The following JAG2 variants were observed in gnomAD, a reference collection of about 807,000 sequenced individuals.
JAG2 encodes jagged canonical Notch ligand 2, also known as protein jagged-2.
In JAG2, 46 loss-of-function variants were observed where a neutral mutation model predicts 141.7. That is an observed-to-expected ratio of 0.32 (90% CI 0.26 to 0.42). The LOEUF (loss-of-function observed/expected upper bound fraction) is 0.42, where lower values mean the gene tolerates loss of function less well. Among genes scored for constraint, JAG2 ranks in the 10% least tolerant of loss-of-function variants. The pLI, the probability that JAG2 is intolerant of heterozygous loss-of-function variation, is 1.00. For missense variants in JAG2, 1,500 were observed against 1,817.5 expected (o/e 0.83, Z 3.18); for synonymous variants, 862 against 763.5 (o/e 1.13, Z -2.13).
intron 15 of JAG2, 95 bp from the exon 16 acceptor site, chr14:105,148,534 A>G: frequency 1.1e-6 from 1 of 892,904 alleles, no homozygotes; most frequent in Admixed American, 2.1e-5. Flanking sequence ...CCAGGTGAGG[A>G]CAGAGAGGGG....
rs915723178 is a variant in JAG2, at chr14:105,154,061, G to T, written c.788+1501C>A. ...AGCCCTGCTTGCCTCCCCGCTCTGG[G>T]ACTGGCCGGGAAAGCTCCTCACTGT... On this transcript the variant is annotated intron_variant, in intron 5 of 25. Transcript: ENST00000331782. The surrounding 1 kb of genome is among the most constrained non-coding windows in gnomAD (Gnocchi z 4.4). Among the ~76,000 whole-genome samples, 1 of 152,000 alleles carries T rather than the reference G, an allele frequency of 6.6e-6. No homozygotes were observed. The highest frequency in any genetic ancestry group is 1.5e-5 in the Non-Finnish European group (1 of 67,984).
In JAG2 at chr14:105,145,080, T is replaced by C. The variant is rs1461806528; in HGVS notation, c.2953-19A>G. On this transcript the variant is annotated intron_variant, in intron 23 of 25. Coordinates refer to ENST00000331782, the MANE Select transcript of JAG2 (RefSeq NM_002226.5). ...TGGTGCCCTGGGCAGAGACAGGCAG[T>C]GCGTGGGCAGGGCAGGGCCGTGAAC... is the stretch of plus-strand genomic sequence containing the variant. The C allele has an allele frequency of 1.2e-6, 2 of 1,608,998 alleles. No homozygotes were observed. The highest frequency in any genetic ancestry group is 1.7e-6 in the Non-Finnish European group (2 of 1,179,662).
At position 105,145,055 on chromosome 14, in the gene JAG2, T is replaced by C; in HGVS notation, c.2959A>G (p.Thr987Ala). 1 of 1,609,890 alleles carries C rather than the reference T, an allele frequency of 6.2e-7. No homozygotes were observed. The highest frequency in any genetic ancestry group is 8.5e-7 in the Non-Finnish European group (1 of 1,179,732). Residue 987 changes from threonine to alanine, a missense_variant, in exon 24 of 26, where the codon ACG becomes GCG. This residue lies in a region of JAG2 where 425 missense variants were observed against 441.0 expected (regional missense o/e 0.96). Coordinates refer to ENST00000331782, the MANE Select transcript of JAG2 (RefSeq NM_002226.5). ...FNRDHVPQGT[T>A]VGAICSGIRS... ...ATCCCGGAGCAAATGGCGCCCACCGTGGTGCCCTGGGCAGAGACAGGCAGT... is the reference window on the plus strand; with the variant it reads ...ATCCCGGAGCAAATGGCGCCCACCGCGGTGCCCTGGGCAGAGACAGGCAGT...
At chr14:105,151,439 G>A (rs587682061) in intron 8 of JAG2, 43 bp from the exon 9 acceptor site, 70 of 1,561,342 alleles carry the variant, frequency 4.5e-5, no homozygotes, top group South Asian at 3.1e-4. Flanking sequence ...AGTGTGAGCC[G>A]TGGGAATAAG....
In JAG2 at chr14:105,146,592, G is replaced by A. The variant is rs1888232333; in HGVS notation, c.2593+19C>T. On this transcript the variant is annotated intron_variant, in intron 21 of 25. Coordinates refer to ENST00000331782, the MANE Select transcript of JAG2 (RefSeq NM_002226.5). ...GCCCCCCAACCCGCCCCAACCCAGG[G>A]CAATCACACGGGGCCTACCTTCCTG... 1.9e-6 allele frequency: 3 copies of A among 1,610,094 alleles called. No individual in the cohort carries two copies. The Admixed American group carries it at 5.0e-5, about 27-fold the overall frequency.
intron 16 of JAG2, 43 bp from the exon 17 acceptor site, chr14:105,148,272 C>G (rs1024249908): frequency 1.0e-5 from 16 of 1,580,848 alleles, no homozygotes; most frequent in Non-Finnish European, 1.4e-5. Flanking sequence ...CCCAGACCGC[C>G]AGGGCCAGGG....
chr14:105,143,670 T>C, intron 24 of JAG2, 32 bp from the exon 25 acceptor site: 1 of 1,600,806 alleles, frequency 6.2e-7, no homozygotes, highest in Non-Finnish European at 8.5e-7. Flanking sequence ...TGGGGATGGC[T>C]CGAGGGCTCC....
At chr14:105,159,607 A>G (rs1029614931) in intron 2 of JAG2, among the ~76,000 whole-genome samples, 29 of 67,198 alleles carry the variant, frequency 4.3e-4, no homozygotes, top group Non-Finnish European at 7.3e-4. Flanking sequence ...CTCCATCCAC[A>G]CCCCCAAAGA....
chr14:105,146,341 C>T (rs914025906), intron 22 of JAG2, 44 bp downstream of exon 22: 7 of 1,526,062 alleles, frequency 4.6e-6, no homozygotes, highest in Non-Finnish European at 6.4e-6. Context: ...GGTCAGCGTG[C>T]ACCAGCCTCG....
At position 105,155,830 on chromosome 14, in the gene JAG2, C is replaced by T; in HGVS notation, c.635G>A (p.Arg212Gln). The T allele has an allele frequency of 1.2e-6, 2 of 1,612,698 alleles. No homozygotes were observed. Among genetic ancestry groups the T allele is most frequent in the South Asian group, 1.1e-5 (1 of 91,030 alleles). ...GTGGCCGAAAAAGTCGTTGCGGGGCCGGCAGAACTTGTTGCAAGTGGCGCT... is the reference window on the plus strand; with the variant it reads ...GTGGCCGAAAAAGTCGTTGCGGGGCTGGCAGAACTTGTTGCAAGTGGCGCT... Reference protein sequence around the residue: ...YYSATCNKFCRPRNDFFGHYT... With the variant: ...YYSATCNKFCQPRNDFFGHYT... The change falls in exon 4 of 26, where the codon CGG becomes CAG. Residue 212 changes from arginine (R) to glutamine (Q), a missense_variant. Coordinates refer to ENST00000331782, the MANE Select transcript of JAG2 (RefSeq NM_002226.5).
Position 105,148,144 on chromosome 14 carries a change from G to C in JAG2, c.2220C>G (p.Pro740=), listed in dbSNP as rs777762222. 23 of 1,547,944 alleles carry C rather than the reference G, an allele frequency of 1.5e-5. No homozygotes were observed. Among genetic ancestry groups the C allele is most frequent in the Non-Finnish European group, 1.3e-5 (15 of 1,145,238 alleles). ...CGGCGCAGGTGCTGCCCTTCCAGCC[G>C]GGGGGGCAGGCGCAGCGGAAGGTGT... ...SGDTFRCACP[P]GWKGSTCAVA... Residue 740 remains proline, a synonymous_variant, in exon 17 of 26, where the codon CCC becomes CCG. Coordinates refer to ENST00000331782, the MANE Select transcript of JAG2 (RefSeq NM_002226.5).
At chr14:105,157,565 G>T in intron 3 of JAG2, 141 bp downstream of exon 3, 1 of 834,558 alleles carries the variant, frequency 1.2e-6, no homozygotes, top group Non-Finnish European at 2.0e-6. Context: ...GAGCTTCCTG[G>T]CAGCCAAAGC....
chr14:105,146,017 G>T, intron 22 of JAG2, 44 bp from the exon 23 acceptor site: 1 of 1,575,652 alleles, frequency 6.3e-7, no homozygotes. Flanking sequence ...GCGCACAGGA[G>T]GGTCAGATGC....
At chr14:105,143,291 C>T in intron 25 of JAG2, 121 bp from the exon 26 acceptor site, 1 of 1,346,666 alleles carries the variant, frequency 7.4e-7, no homozygotes, top group Non-Finnish European at 1.0e-6. Context: ...CCTCCGGTTG[C>T]TGGCTCGTGG....
At chr14:105,159,666 C>T (rs1489991209) in intron 2 of JAG2, among the ~76,000 whole-genome samples, 2 of 129,432 alleles carry the variant, frequency 1.5e-5, no homozygotes, top group Non-Finnish European at 3.3e-5. Flanking sequence ...CCCCAACAGG[C>T]TCCATCACCT....
intron 2 of JAG2, among the ~76,000 whole-genome samples, chr14:105,163,115 T>C (rs1001981695): frequency 6.6e-6 from 1 of 151,996 alleles, no homozygotes; most frequent in Admixed American, 6.5e-5. Flanking sequence ...CTCCTCGGCC[T>C]CCCGCATCAG....
At chr14:105,157,366 C>T (rs1888612362) in intron 3 of JAG2, among the ~76,000 whole-genome samples, 1 of 152,094 alleles carries the variant, frequency 6.6e-6, no homozygotes, top group Non-Finnish European at 1.5e-5. Context: ...GAGAGGGCCA[C>T]CAAGGCTCCA....
At chr14:105,157,419 C>T (rs1888613743) in intron 3 of JAG2, among the ~76,000 whole-genome samples, 1 of 152,168 alleles carries the variant, frequency 6.6e-6, no homozygotes, top group African/African-American at 2.4e-5. Context: ...AAGCCAGAGA[C>T]ACACTCAAGG....
intron 2 of JAG2, among the ~76,000 whole-genome samples, chr14:105,158,810 C>G (rs1324412780): frequency 6.6e-6 from 1 of 152,044 alleles, no homozygotes; most frequent in Admixed American, 6.5e-5. Flanking sequence ...CTTCCCACCC[C>G]GGGGGGATGC....
Sources: allele counts gnomAD v4.1 joint callset (sites outside exome capture counted in the v4.1 genomes callset), GRCh38; gene constraint gnomAD v4.1.1; regional missense constraint gnomAD v4.1.1; non-coding constraint Gnocchi (gnomAD v3.1); transcripts MANE v1.5; gene names NCBI Gene and HGNC (gene_info 2026-07-23, HGNC 2026-07-21).